Variants in ENPP2 observed in about 807,000 individuals in gnomAD.
The protein encoded by ENPP2 is autotaxin.
A neutral mutation model predicts 120.2 loss-of-function variants in ENPP2; 51 were observed. The observed-to-expected ratio is 0.42, with a 90% CI of 0.34 to 0.54. The LOEUF (loss-of-function observed/expected upper bound fraction) is 0.54. Among genes scored for constraint, ENPP2 ranks in the 20% least tolerant of loss-of-function variants. The pLI, the probability that ENPP2 is intolerant of heterozygous loss-of-function variation, is 0.04. For synonymous variants in ENPP2, 365 were observed against 366.4 expected, an observed-to-expected ratio of 1.00 and a Z score of 0.04; for missense variants, 920 against 1,066.5, an observed-to-expected ratio of 0.86 and a Z score of 1.91.
Position 119,607,952 on chromosome 8 carries a change from C to T in ENPP2, c.803G>A (p.Gly268Glu). 2 of 1,610,804 alleles carry T rather than the reference C, an allele frequency of 1.2e-6. No individual in the cohort carries two copies. Among genetic ancestry groups the T allele is most frequent in the South Asian group, 1.1e-5 (1 of 90,454 alleles). The change falls in exon 9 of 25, where the codon GGG becomes GAG. Residue 268 changes from glycine (G) to glutamate (E), a missense_variant. By Grantham distance (98) the Gly-to-Glu change is moderately conservative. Transcript: ENST00000075322. ...QPLWITATKQ[G>E]VKAGTFFWSV... ...CCAAAAGAATGTTCCAGCTTTCACC[C>T]CTTGCTTGGTGGCTGTAATCCATAG... is the stretch of plus-strand genomic sequence containing the variant.
At chr8:119,565,096 T>A (rs1195118009) in intron 22 of ENPP2, 141 bp from the exon 23 acceptor site, 1 of 646,270 alleles carries the variant, frequency 1.5e-6, no homozygotes, top group Non-Finnish European at 2.7e-6. Context: ...ATGAGATGAA[T>A]CAATTCTATG....
intron 18 of ENPP2, chr8:119,580,974 T>A (rs1371557333): frequency 2.0e-5 from 3 of 152,086 alleles, no homozygotes; most frequent in African/African-American, 7.2e-5. Context: ...CGTTATTTAA[T>A]AAATATATAA....
intron 3 of ENPP2, among the ~76,000 whole-genome samples, chr8:119,623,657 A>G (rs1370497260): frequency 6.6e-6 from 1 of 151,622 alleles, no homozygotes; most frequent in African/African-American, 2.4e-5. Flanking sequence ...ACAGAGTCTC[A>G]CTCTGTCGCC....
intron 1 of ENPP2, among the ~76,000 whole-genome samples, chr8:119,646,972 G>A (rs948787242): frequency 6.7e-6 from 1 of 149,954 alleles, no homozygotes; most frequent in African/African-American, 2.5e-5. Context: ...AATGAACTGT[G>A]TTACCATATT....
rs749541517 is a variant in ENPP2, at chr8:119,626,566, T to A, written c.291A>T (p.Thr97=). 1 of 1,613,586 alleles carries A rather than the reference T, an allele frequency of 6.2e-7. No homozygotes were observed. Among genetic ancestry groups the A allele is most frequent in the Non-Finnish European group, 8.5e-7 (1 of 1,179,518 alleles). The part of the protein sequence containing the change: ...CHDFDELCLK[T]ARGWECTKDR... The stretch of plus-strand genomic sequence containing the variant: ...AGAGAGGACTCATAAGTTACGTACC[T>A]GTCTTCAAACACAGCTCATCAAAGT... The change falls in exon 3 of 25, where the codon ACA becomes ACT. Residue 97 remains threonine, a splice_region_variant and synonymous_variant. Coordinates refer to ENST00000075322, the MANE Select transcript of ENPP2 (RefSeq NM_001040092.3).
At chr8:119,576,424 C>T (rs1045365558) in intron 19 of ENPP2, among the ~76,000 whole-genome samples, 2 of 152,206 alleles carry the variant, frequency 1.3e-5, no homozygotes, top group Admixed American at 1.3e-4. Flanking sequence ...AAGTGTGAGC[C>T]ACTGACCGCA....
intron 1 of ENPP2, among the ~76,000 whole-genome samples, chr8:119,657,358 T>C (rs377430263): frequency 6.6e-5 from 10 of 152,218 alleles, no homozygotes; most frequent in African/African-American, 2.4e-4. Context: ...TTTTACACCA[T>C]ACCATGCCTC....
chr8:119,577,998 T>C (rs1277201997), intron 19 of ENPP2, among the ~76,000 whole-genome samples: 2 of 152,134 alleles, frequency 1.3e-5, no homozygotes, highest in Non-Finnish European at 2.9e-5. Flanking sequence ...AGAAGATGTG[T>C]CTTATTTTTA....
intron 2 of ENPP2, among the ~76,000 whole-genome samples, chr8:119,629,770 C>T (rs904169967): frequency 6.6e-6 from 1 of 151,316 alleles, no homozygotes; most frequent in Non-Finnish European, 1.5e-5. Context: ...ACCATGGAGG[C>T]AGGAGGGGTT....
At chr8:119,594,535 T>C (rs1813754276) in intron 11 of ENPP2, among the ~76,000 whole-genome samples, 1 of 152,194 alleles carries the variant, frequency 6.6e-6, no homozygotes, top group Non-Finnish European at 1.5e-5. Flanking sequence ...GTTTCTTCTT[T>C]AACAAAATAT....
At chr8:119,666,870 G>GGA (rs904869089) in intron 1 of ENPP2, among the ~76,000 whole-genome samples, 2 of 152,092 alleles carry the variant, frequency 1.3e-5, no homozygotes, top group African/African-American at 4.8e-5. Context: ...CACAGACAAT[G>GGA]GAGAGGAAGG....
At chr8:119,665,577 T>A (rs943424431) in intron 1 of ENPP2, among the ~76,000 whole-genome samples, 1 of 152,208 alleles carries the variant, frequency 6.6e-6, no homozygotes, top group East Asian at 1.9e-4. Flanking sequence ...TCAAACTCAA[T>A]TTTTTGTTCA....
intron 24 of ENPP2, among the ~76,000 whole-genome samples, chr8:119,558,866 C>T (rs554350921): frequency 2.0e-5 from 3 of 152,278 alleles, no homozygotes; most frequent in African/African-American, 7.2e-5. Flanking sequence ...CACCAGTGGT[C>T]TCAGTGAACT....
chr8:119,586,635 G>C (rs577486508), intron 14 of ENPP2, among the ~76,000 whole-genome samples: 5 of 152,150 alleles, frequency 3.3e-5, no homozygotes, highest in Non-Finnish European at 5.9e-5. Flanking sequence ...GTTGGGGGTG[G>C]GGTGTCGGTG....
intron 1 of ENPP2, among the ~76,000 whole-genome samples, chr8:119,649,953 G>A (rs534717355): frequency 4.1e-4 from 62 of 152,268 alleles, no homozygotes; most frequent in African/African-American, 1.4e-3. Context: ...CAGTCACTTT[G>A]GAAAGCAGTT....
chr8:119,669,696 C>T (rs1818183821), intron 1 of ENPP2, among the ~76,000 whole-genome samples: 1 of 152,152 alleles, frequency 6.6e-6, no homozygotes, highest in African/African-American at 2.4e-5. Flanking sequence ...GTCATGAACC[C>T]ACTGAAAGTT....
chr8:119,558,147 T>C (rs986952789), intron 24 of ENPP2, among the ~76,000 whole-genome samples: 1 of 152,220 alleles, frequency 6.6e-6, no homozygotes, highest in Non-Finnish European at 1.5e-5. Flanking sequence ...TGTGCATTCC[T>C]AGTTTTTCAA....
intron 13 of ENPP2, among the ~76,000 whole-genome samples, chr8:119,590,163 C>T (rs923767085): frequency 1.3e-5 from 2 of 152,160 alleles, no homozygotes; most frequent in African/African-American, 4.8e-5. Context: ...AAATTCTTAT[C>T]TTATAAACTT....
chr8:119,641,401 T>C (rs1483453719), upstream of ENPP2, among the ~76,000 whole-genome samples: 1 of 152,104 alleles, frequency 6.6e-6, no homozygotes, highest in African/African-American at 2.4e-5. Flanking sequence ...GTCCAAAACC[T>C]TTTGTAAGAA....
Sources: gnomAD v4.1 joint callset for allele counts (sites outside exome capture counted in the v4.1 genomes callset) on GRCh38, gnomAD v4.1.1 for gene constraint, MANE v1.5 for transcripts, NCBI Gene and HGNC (gene_info 2026-07-23, HGNC 2026-07-21) for gene names.